CACNA1C: variants seen among roughly 807,000 people sequenced by gnomAD.
The protein encoded by CACNA1C is calcium voltage-gated channel subunit alpha1 C.
A neutral mutation model predicts 229.0 loss-of-function variants in CACNA1C; 30 were observed. The ratio of observed to expected loss-of-function variants is 0.13; its 90% CI spans 0.10 to 0.18. CACNA1C has a LOEUF of 0.18. Among genes scored for constraint, CACNA1C ranks in the 10% least tolerant of loss-of-function variants. CACNA1C has a pLI of 1.00. For missense variants in CACNA1C, 1,658 were observed against 2,845.0 expected, an observed-to-expected ratio of 0.58 and a Z score of 9.49; for synonymous variants, 1,114 against 1,132.5, an observed-to-expected ratio of 0.98 and a Z score of 0.33.
chr12:2,617,077 A>T (rs1389458122), intron 29 of CACNA1C, among the ~76,000 whole-genome samples: 1 of 152,266 alleles, frequency 6.6e-6, no homozygotes, highest in Non-Finnish European at 1.5e-5. Flanking sequence ...AAATGAAGGC[A>T]GTGAAGCCTT....
At chr12:2,328,914 T>G (rs1416539995) in intron 3 of CACNA1C, among the ~76,000 whole-genome samples, 5 of 152,218 alleles carry the variant, frequency 3.3e-5, no homozygotes, top group African/African-American at 1.2e-4. Context: ...CGGTGTCTCA[T>G]CTGGGACCAA....
intron 1 of CACNA1C, among the ~76,000 whole-genome samples, chr12:2,099,753 C>G (rs1310645402): frequency 1.3e-5 from 2 of 152,114 alleles, no homozygotes; most frequent in African/African-American, 2.4e-5. Flanking sequence ...CAGTCCCACT[C>G]TGGAAGGGGG....
chr12:2,244,140 CATCT>C, intron 3 of CACNA1C, among the ~76,000 whole-genome samples: 1 of 152,358 alleles, frequency 6.6e-6, no homozygotes, highest in South Asian at 2.1e-4. Flanking sequence ...GGCTCAGATT[CATCT>C]ATCTGTTTCA....
chr12:2,122,960 G>A (rs1402401726), intron 3 of CACNA1C, among the ~76,000 whole-genome samples: 6 of 152,200 alleles, frequency 3.9e-5, no homozygotes, highest in Admixed American at 1.3e-4. Flanking sequence ...CTGGGGATGC[G>A]CATCAAAAAA....
chr12:2,619,559 G>A (rs1247029470), intron 29 of CACNA1C, among the ~76,000 whole-genome samples: 1 of 152,108 alleles, frequency 6.6e-6, no homozygotes, highest in Non-Finnish European at 1.5e-5. Flanking sequence ...TTGAAGTTGG[G>A]TTGTGCAAGC....
chr12:2,623,277 A>G (rs998022992), intron 29 of CACNA1C, among the ~76,000 whole-genome samples: 1 of 151,972 alleles, frequency 6.6e-6, no homozygotes, highest in Non-Finnish European at 1.5e-5. Context: ...CCCCTGCCGT[A>G]GCCTCTCTGG....
At chr12:2,188,524 A>T (rs1393001481) in intron 3 of CACNA1C, among the ~76,000 whole-genome samples, 1 of 152,114 alleles carries the variant, frequency 6.6e-6, no homozygotes, top group South Asian at 2.1e-4. Context: ...AGCTTATAGG[A>T]TATAAGAGTT....
chr12:2,483,300 G>A (rs1249378187), intron 5 of CACNA1C, among the ~76,000 whole-genome samples: 1 of 152,234 alleles, frequency 6.6e-6, no homozygotes, highest in African/African-American at 2.4e-5. Flanking sequence ...GAGTCACTGG[G>A]TGACTTTCAG....
intron 4 of CACNA1C, among the ~76,000 whole-genome samples, chr12:2,453,788 G>T (rs771495714): frequency 1.1e-4 from 16 of 152,182 alleles, no homozygotes; most frequent in Non-Finnish European, 2.2e-4. Context: ...AAGCCATGCA[G>T]TCTCTGTTCC....
At chr12:2,255,479 G>A (rs2077092004) in intron 3 of CACNA1C, among the ~76,000 whole-genome samples, 1 of 152,156 alleles carries the variant, frequency 6.6e-6, no homozygotes, top group African/African-American at 2.4e-5. Context: ...AGGAGGTGGT[G>A]GCTACAGATG....
At chr12:2,229,833 C>T (rs761919922) in intron 3 of CACNA1C, among the ~76,000 whole-genome samples, 10 of 152,254 alleles carry the variant, frequency 6.6e-5, no homozygotes, top group Admixed American at 3.3e-4. Flanking sequence ...GGTCCCGAGG[C>T]GGGCGGAGCA....
chr12:2,399,352 G>C (rs1340804269), intron 3 of CACNA1C, among the ~76,000 whole-genome samples: 2 of 152,194 alleles, frequency 1.3e-5, no homozygotes, highest in East Asian at 3.9e-4. Flanking sequence ...CTGGGTTCTT[G>C]TCCGGGATCT....
chr12:2,484,944 A>T (rs2099692315), intron 5 of CACNA1C, among the ~76,000 whole-genome samples: 1 of 147,886 alleles, frequency 6.8e-6, no homozygotes, highest in East Asian at 2.0e-4. Flanking sequence ...TTGGCTTAAT[A>T]GCTGGGAAGA....
intron 3 of CACNA1C, among the ~76,000 whole-genome samples, chr12:2,192,807 T>C (rs2154300655): frequency 6.6e-6 from 1 of 152,042 alleles, no homozygotes; most frequent in Admixed American, 6.5e-5. Context: ...GGTGCTGTGA[T>C]ACGTGTAGTG....
chr12:2,471,306 C>G (rs1160073538), intron 5 of CACNA1C, among the ~76,000 whole-genome samples: 4 of 152,144 alleles, frequency 2.6e-5, no homozygotes, highest in South Asian at 4.1e-4. Flanking sequence ...TTATAAGTTC[C>G]ACTCAACAAT....
intron 3 of CACNA1C, among the ~76,000 whole-genome samples, chr12:2,278,202 T>G (rs2089674705): frequency 1.3e-5 from 2 of 152,274 alleles, no homozygotes; most frequent in African/African-American, 2.4e-5. Flanking sequence ...CTAGGTACAA[T>G]TTTCATACAT....
chr12:2,552,121 C>T (rs1170089708), intron 10 of CACNA1C, among the ~76,000 whole-genome samples: 2 of 152,206 alleles, frequency 1.3e-5, no homozygotes, highest in African/African-American at 4.8e-5. Flanking sequence ...GTTAAGAGAA[C>T]AGGCAGCAGC....
At chr12:2,171,083 C>T (rs1487544641) in intron 3 of CACNA1C, among the ~76,000 whole-genome samples, 1 of 152,232 alleles carries the variant, frequency 6.6e-6, no homozygotes, top group Non-Finnish European at 1.5e-5. Context: ...CTGAGAACAT[C>T]TTTTACCTGG....
At chr12:1,982,058 G>C (rs2036304658) in intron 1 of CACNA1C, among the ~76,000 whole-genome samples, 1 of 152,156 alleles carries the variant, frequency 6.6e-6, no homozygotes, top group Non-Finnish European at 1.5e-5. Flanking sequence ...TTCAGATTTT[G>C]AGAAGGAAAG....
Sources: allele counts gnomAD v4.1 joint callset (sites outside exome capture counted in the v4.1 genomes callset), GRCh38; gene constraint gnomAD v4.1.1; transcripts MANE v1.5; gene names NCBI Gene and HGNC (gene_info 2026-07-23, HGNC 2026-07-21).